GPBP1: variants seen among roughly 807,000 people sequenced by gnomAD.
GPBP1 encodes vasculin.
GPBP1 carries 13 observed loss-of-function variants against 56.5 expected under a neutral mutation model. That is an observed-to-expected ratio of 0.23 (90% CI 0.15 to 0.37). GPBP1 has a LOEUF of 0.37. Ranked by LOEUF, GPBP1 falls within the 10% of genes least tolerant of loss-of-function variation. GPBP1 has a pLI of 1.00. For missense variants in GPBP1, 477 were observed against 572.3 expected, an observed-to-expected ratio of 0.83 and a Z score of 1.70; for synonymous variants, 204 against 188.9, an observed-to-expected ratio of 1.08 and a Z score of -0.66.
chr5:57,224,004 T>A (rs1289831244), intron 3 of GPBP1, among the ~76,000 whole-genome samples: 1 of 151,386 alleles, frequency 6.6e-6, no homozygotes, highest in Non-Finnish European at 1.5e-5. Flanking sequence ...TGGCTAATAT[T>A]TTGTATTTTT....
At chr5:57,247,429 C>T (rs902585040) in intron 8 of GPBP1, among the ~76,000 whole-genome samples, 1 of 152,134 alleles carries the variant, frequency 6.6e-6, no homozygotes, top group African/African-American at 2.4e-5. Flanking sequence ...CCAGCTCATT[C>T]CTATAATCCC....
chr5:57,228,603 T>C (rs1756299397), intron 3 of GPBP1, among the ~76,000 whole-genome samples: 1 of 151,728 alleles, frequency 6.6e-6, no homozygotes, highest in Admixed American at 6.6e-5. Flanking sequence ...GATCTGTCTC[T>C]AAGGGGGAAA....
intron 3 of GPBP1, among the ~76,000 whole-genome samples, chr5:57,226,211 G>A (rs901496061): frequency 6.6e-6 from 1 of 152,116 alleles, no homozygotes; most frequent in Non-Finnish European, 1.5e-5. Flanking sequence ...CAGTCAGGTC[G>A]GTTTAAATTC....
intron 10 of GPBP1, among the ~76,000 whole-genome samples, chr5:57,252,056 A>G (rs1337118706): frequency 6.6e-6 from 1 of 152,150 alleles, no homozygotes; most frequent in Admixed American, 6.6e-5. Context: ...TAAGTCTCAT[A>G]TATGATTGGC....
rs530269059 is a variant in GPBP1, at chr5:57,261,228, A to G, written c.1209A>G (p.Thr403=). Residue 403 remains threonine (T), a synonymous_variant, in exon 11 of 12, where the codon ACA becomes ACG. Transcript: ENST00000506184. ...GWQEDSENDE[T]CAPLTEDEMR... is the part of the protein sequence containing the mutation. Reference sequence around the variant, plus strand: ...AGGAAGACAGTGAAAATGATGAAACATGTGCTCCCTTAACTGAGGATGAAA... The same window carrying G: ...AGGAAGACAGTGAAAATGATGAAACGTGTGCTCCCTTAACTGAGGATGAAA... The G allele has an allele frequency of 1.5e-4, 243 of 1,613,358 alleles. 1 individual carries two copies. Among genetic ancestry groups the G allele is most frequent in the Middle Eastern group, 1.2e-3 (7 of 6,058 alleles).
At chr5:57,254,674 GAC>G (rs1476937062) in intron 10 of GPBP1, among the ~76,000 whole-genome samples, 1 of 147,412 alleles carries the variant, frequency 6.8e-6, no homozygotes, top group Non-Finnish European at 1.5e-5. Flanking sequence ...CAGCCTGGAT[GAC>G]AGAGTGAGAC....
chr5:57,216,269 C>G (rs760468630), intron 3 of GPBP1, among the ~76,000 whole-genome samples: 5 of 152,246 alleles, frequency 3.3e-5, no homozygotes, highest in African/African-American at 4.8e-5. Context: ...AGGTGTACCC[C>G]CCTTGTTTAG....
At chr5:57,239,758 C>T (rs558848907) in intron 6 of GPBP1, among the ~76,000 whole-genome samples, 2 of 152,136 alleles carry the variant, frequency 1.3e-5, no homozygotes, top group African/African-American at 4.8e-5. Context: ...CCAGCCTGGG[C>T]GACAAAGAGA....
chr5:57,251,674 A>G (rs1741400824), intron 10 of GPBP1, among the ~76,000 whole-genome samples: 1 of 148,878 alleles, frequency 6.7e-6, no homozygotes, highest in African/African-American at 2.5e-5. Context: ...TCTTGTGTGG[A>G]TATGTTTTTA....
chr5:57,188,980 T>G (rs552638368), intron 2 of GPBP1, among the ~76,000 whole-genome samples: 26 of 152,096 alleles, frequency 1.7e-4, no homozygotes, highest in Non-Finnish European at 2.6e-4. Context: ...ACAAGCCTCT[T>G]TCTGTCTGTC....
chr5:57,251,290 T>C, intron 10 of GPBP1, 149 bp downstream of exon 10: 1 of 652,938 alleles, frequency 1.5e-6, no homozygotes, highest in South Asian at 2.3e-5. Context: ...TTTTAATATA[T>C]TCAAAGTAGC....
chr5:57,214,912 T>G (rs2111769292), intron 3 of GPBP1, among the ~76,000 whole-genome samples: 1 of 152,344 alleles, frequency 6.6e-6, no homozygotes, highest in South Asian at 2.1e-4. Flanking sequence ...TCTGCCCGCC[T>G]CAGTCTCCCA....
intron 2 of GPBP1, among the ~76,000 whole-genome samples, chr5:57,204,000 G>A (rs1387729247): frequency 6.6e-6 from 1 of 152,120 alleles, no homozygotes; most frequent in East Asian, 1.9e-4. Context: ...CTTATCTGAT[G>A]ACCCGTAACT....
intron 10 of GPBP1, among the ~76,000 whole-genome samples, chr5:57,251,687 TC>T (rs1351262166): frequency 1.3e-5 from 2 of 152,142 alleles, no homozygotes; most frequent in African/African-American, 4.8e-5. Context: ...TGTTTTTATT[TC>T]TGTTGGATAG....
At chr5:57,177,513 G>A (rs970014844) in intron 2 of GPBP1, among the ~76,000 whole-genome samples, 4 of 151,956 alleles carry the variant, frequency 2.6e-5, no homozygotes, top group African/African-American at 9.7e-5. Flanking sequence ...CGCTCTTGTT[G>A]CCCAGGATGG....
At position 57,223,659 on chromosome 5, in the gene GPBP1, G is replaced by A. The variant is rs140731946; in HGVS notation, c.64-7187G>A. Reference sequence around the variant, plus strand: ...TCCTCACACCTCCGTAAGGCTGTTTGGTCAATGAATGCAGCATAACTAAAG... The same window carrying A: ...TCCTCACACCTCCGTAAGGCTGTTTAGTCAATGAATGCAGCATAACTAAAG... On this transcript the variant is annotated intron_variant, in intron 3 of 11. Coordinates refer to ENST00000506184, the MANE Select transcript of GPBP1 (RefSeq NM_022913.4). Among the ~76,000 whole-genome samples, 112 of 151,872 alleles carry A rather than the reference G, an allele frequency of 7.4e-4. 1 individual carries two copies. The highest frequency in any genetic ancestry group is 2.1e-3 in the East Asian group (11 of 5,178).
At chr5:57,179,975 G>A (rs1272401099) in intron 2 of GPBP1, among the ~76,000 whole-genome samples, 1 of 152,014 alleles carries the variant, frequency 6.6e-6, no homozygotes, top group African/African-American at 2.4e-5. Flanking sequence ...ATTGAGGAAG[G>A]GAGGAGTAAT....
At chr5:57,247,623 T>C (rs2111925129) in intron 8 of GPBP1, among the ~76,000 whole-genome samples, 1 of 152,206 alleles carries the variant, frequency 6.6e-6, no homozygotes, top group Admixed American at 6.5e-5. Flanking sequence ...ATGTCAAGGC[T>C]GCAGCAAGCT....
At chr5:57,189,326 C>T (rs1754421780) in intron 2 of GPBP1, among the ~76,000 whole-genome samples, 2 of 152,218 alleles carry the variant, frequency 1.3e-5, no homozygotes, top group South Asian at 4.1e-4. Flanking sequence ...GTCATGTTGG[C>T]CAGGCTGGTC....
Sources: gnomAD v4.1 joint callset for allele counts (sites outside exome capture counted in the v4.1 genomes callset) on GRCh38, gnomAD v4.1.1 for gene constraint, MANE v1.5 for transcripts, NCBI Gene and HGNC (gene_info 2026-07-23, HGNC 2026-07-21) for gene names.